The following VWC2 variants were observed in gnomAD, a reference collection of about 807,000 sequenced individuals.
VWC2 encodes the protein von Willebrand factor C domain containing 2.
A neutral mutation model predicts 29.8 loss-of-function variants in VWC2; 14 were observed. The observed-to-expected ratio is 0.47, with a 90% CI of 0.31 to 0.74. The LOEUF is 0.74. Among genes scored for constraint, VWC2 ranks in the 30% least tolerant of loss-of-function variants. The probability of loss-of-function intolerance (pLI) is 0.05; values close to 1 mark genes in which losing one functional copy is unlikely to be tolerated. For missense variants in VWC2, 457 were observed against 459.8 expected (o/e 0.99, Z 0.05); for synonymous variants, 213 against 199.0 (o/e 1.07, Z -0.59).
chr7:49,898,696 C>T (rs1441096563), intron 3 of VWC2, among the ~76,000 whole-genome samples: 6 of 151,866 alleles, frequency 4.0e-5, no homozygotes, highest in Non-Finnish European at 8.8e-5. Flanking sequence ...AGCAGTAGGA[C>T]AATGGATAAA....
In VWC2 at chr7:49,802,586, C is replaced by G. The variant is rs138931321; in HGVS notation, c.697-125C>G. ...TCGGGAAACAGAGGTTGCGGTGAGC[C>G]GAGATCGCACCACTGCACTCCAGTG... On this transcript the variant is annotated intron_variant, in intron 2 of 3. Coordinates refer to ENST00000340652, the MANE Select transcript of VWC2 (RefSeq NM_198570.5). 671 of 1,327,188 alleles carry G rather than the reference C, an allele frequency of 5.1e-4. 3 individuals are homozygous for G. In the African/African-American group the frequency reaches 5.4e-3, roughly 11 times the overall value. 82.2% of individuals were successfully genotyped at this position (1,327,188 alleles called of 1,614,324 possible).
intron 3 of VWC2, among the ~76,000 whole-genome samples, chr7:49,858,591 T>C (rs1056869361): frequency 6.7e-6 from 1 of 149,110 alleles, no homozygotes; most frequent in East Asian, 2.0e-4. Context: ...CATTAGGAGA[T>C]ATACCTAATG....
chr7:49,838,525 C>T (rs1789717493), intron 3 of VWC2, among the ~76,000 whole-genome samples: 1 of 151,788 alleles, frequency 6.6e-6, no homozygotes, highest in African/African-American at 2.4e-5. Context: ...GATGTGAGTG[C>T]TCACAGCTAG....
chr7:49,801,988 G>A (rs1788748598), intron 2 of VWC2, among the ~76,000 whole-genome samples: 1 of 152,196 alleles, frequency 6.6e-6, no homozygotes, highest in Non-Finnish European at 1.5e-5. Context: ...AGTGTTCCAT[G>A]TGAGTCTGGG....
At chr7:49,857,381 T>C (rs141931147) in intron 3 of VWC2, among the ~76,000 whole-genome samples, 2,316 of 152,342 alleles carry the variant, frequency 0.015, 58 homozygotes, top group African/African-American at 0.052. Context: ...TTTTTAAGCC[T>C]GAATATTCCA....
At chr7:49,864,589 G>T (rs1049310609) in intron 3 of VWC2, among the ~76,000 whole-genome samples, 7 of 152,194 alleles carry the variant, frequency 4.6e-5, no homozygotes, top group Non-Finnish European at 1.0e-4. Flanking sequence ...GCTGCAGGTT[G>T]TTGTCAGCCT....
intron 3 of VWC2, among the ~76,000 whole-genome samples, chr7:49,906,706 C>T (rs1021998726): frequency 6.6e-6 from 1 of 152,198 alleles, no homozygotes; most frequent in Non-Finnish European, 1.5e-5. Context: ...CTTTTAATCA[C>T]AGCAGTGGGG....
At chr7:49,906,624 C>T (rs1339860589) in intron 3 of VWC2, among the ~76,000 whole-genome samples, 4 of 152,202 alleles carry the variant, frequency 2.6e-5, no homozygotes, top group Admixed American at 6.5e-5. Flanking sequence ...GCGTGAGCCA[C>T]CGCACCCAGC....
chr7:49,909,186 C>T (rs1793267062), intron 3 of VWC2, among the ~76,000 whole-genome samples: 1 of 152,124 alleles, frequency 6.6e-6, no homozygotes, highest in South Asian at 2.1e-4. Context: ...GAGATGAGAC[C>T]TGTCAGTATC....
intron 2 of VWC2, among the ~76,000 whole-genome samples, chr7:49,792,255 A>T (rs1275427304): frequency 2.0e-5 from 3 of 152,192 alleles, no homozygotes; most frequent in Non-Finnish European, 4.4e-5. Context: ...TGAGCCACTC[A>T]CCGCTGTAAG....
intron 2 of VWC2, among the ~76,000 whole-genome samples, chr7:49,797,548 G>T (rs1788621185): frequency 6.6e-6 from 1 of 152,226 alleles, no homozygotes; most frequent in Admixed American, 6.5e-5. Flanking sequence ...GAGTGAGAAT[G>T]ATTAGTGCAT....
At chr7:49,842,421 G>C (rs777156209) in intron 3 of VWC2, among the ~76,000 whole-genome samples, 5 of 152,114 alleles carry the variant, frequency 3.3e-5, no homozygotes, top group Non-Finnish European at 7.4e-5. Context: ...AGGTATGATA[G>C]TTTACTGAAG....
intron 2 of VWC2, among the ~76,000 whole-genome samples, chr7:49,790,503 C>G (rs1478746380): frequency 6.6e-6 from 1 of 152,200 alleles, no homozygotes; most frequent in Non-Finnish European, 1.5e-5. Context: ...CAGCGTCTCT[C>G]TGTCCTTAGT....
intron 2 of VWC2, among the ~76,000 whole-genome samples, chr7:49,783,713 T>C (rs1163394221): frequency 1.3e-5 from 2 of 152,182 alleles, no homozygotes; most frequent in Non-Finnish European, 2.9e-5. Context: ...CTGTGAGTTC[T>C]CTCAGAAGCC....
At chr7:49,870,849 C>T (rs1791120399) in intron 3 of VWC2, among the ~76,000 whole-genome samples, 1 of 152,192 alleles carries the variant, frequency 6.6e-6, no homozygotes, top group Non-Finnish European at 1.5e-5. Flanking sequence ...GGGAGAATCC[C>T]AGTTCAAGAA....
intron 3 of VWC2, among the ~76,000 whole-genome samples, chr7:49,860,052 C>T (rs950084983): frequency 6.6e-6 from 1 of 151,608 alleles, no homozygotes; most frequent in Non-Finnish European, 1.5e-5. Context: ...TAATTTTATC[C>T]ATAGTTGTAT....
At chr7:49,878,704 A>G (rs75510638) in intron 3 of VWC2, among the ~76,000 whole-genome samples, 4,807 of 152,088 alleles carry the variant, frequency 0.032, 239 homozygotes, top group African/African-American at 0.11. Flanking sequence ...GTTCTCTGCC[A>G]TAATCTTTTA....
At chr7:49,897,104 C>T (rs1792425631) in intron 3 of VWC2, among the ~76,000 whole-genome samples, 1 of 151,800 alleles carries the variant, frequency 6.6e-6, no homozygotes, top group Admixed American at 6.6e-5. Context: ...ACCTTGTTAG[C>T]CAGGATGGTC....
At chr7:49,798,252 A>G (rs551532979) in intron 2 of VWC2, among the ~76,000 whole-genome samples, 1 of 152,314 alleles carries the variant, frequency 6.6e-6, no homozygotes, top group South Asian at 2.1e-4. Flanking sequence ...GACCAGGTCA[A>G]GGGACAGGCA....
Sources: gnomAD v4.1 joint callset for allele counts (sites outside exome capture counted in the v4.1 genomes callset) on GRCh38, gnomAD v4.1.1 for gene constraint, MANE v1.5 for transcripts, NCBI Gene and HGNC (gene_info 2026-07-23, HGNC 2026-07-21) for gene names.